The following DOP1A variants were observed in gnomAD, a reference collection of about 807,000 sequenced individuals.
DOP1A encodes the protein DOP1 leucine zipper like protein A, also known as protein DOP1A.
Under a neutral mutation model 267.6 loss-of-function variants are expected in DOP1A, and 90 were observed. The observed-to-expected ratio is 0.34, with a 90% CI of 0.28 to 0.40. The LOEUF (loss-of-function observed/expected upper bound fraction) is 0.40. Ranked by LOEUF, DOP1A falls within the 10% of genes least tolerant of loss-of-function variation. The probability of loss-of-function intolerance (pLI) is 1.00; values close to 1 mark genes in which losing one functional copy is unlikely to be tolerated. For synonymous variants in DOP1A, 932 were observed against 999.1 expected (o/e 0.93, Z 1.27); for missense variants, 2,437 against 2,900.4 (o/e 0.84, Z 3.67).
chr6:83,152,698 A>C (rs1046825163), intron 30 of DOP1A, among the ~76,000 whole-genome samples: 3 of 149,552 alleles, frequency 2.0e-5, no homozygotes, highest in African/African-American at 4.9e-5. Context: ...GCTCACTGCA[A>C]CCTCTGCCTC....
chr6:83,105,939 A>T (rs968543097), intron 4 of DOP1A, among the ~76,000 whole-genome samples: 7 of 152,206 alleles, frequency 4.6e-5, no homozygotes, highest in African/African-American at 1.7e-4. Flanking sequence ...GTAAAATTAA[A>T]TCTAGAATAC....
At chr6:83,078,627 T>A (rs1230817640) in intron 1 of DOP1A, among the ~76,000 whole-genome samples, 13 of 152,194 alleles carry the variant, frequency 8.5e-5, no homozygotes, top group Non-Finnish European at 1.5e-4. Context: ...CAGAAAATAA[T>A]AGCAGTGCTT....
intron 1 of DOP1A, among the ~76,000 whole-genome samples, chr6:83,092,035 A>G (rs960341856): frequency 6.6e-6 from 1 of 152,160 alleles, no homozygotes; most frequent in East Asian, 1.9e-4. Flanking sequence ...TTCATTCCAT[A>G]TATGTCACTG....
In DOP1A at chr6:83,090,533, G is replaced by A. The variant is rs188465059; in HGVS notation, c.-146-6198G>A. 1.1e-3 allele frequency among the ~76,000 whole-genome samples: 173 copies of A among 152,300 alleles called. 3 individuals carry two copies. The highest frequency in any genetic ancestry group is 4.1e-3 in the African/African-American group (169 of 41,564). On this transcript the variant is annotated intron_variant, in intron 1 of 38. Coordinates refer to ENST00000349129, the MANE Select transcript of DOP1A (RefSeq NM_015018.4). ...ACGTTATATTTGCATTATGATCTAA[G>A]TCAGTGGTGTTTAAAGTGTGTTATT...
chr6:83,086,288 C>G (rs1474595562), intron 1 of DOP1A, among the ~76,000 whole-genome samples: 1 of 151,958 alleles, frequency 6.6e-6, no homozygotes, highest in Non-Finnish European at 1.5e-5. Flanking sequence ...ATGAAATAAG[C>G]TAGAGAAAAG....
chr6:83,069,760 A>T (rs576693398), intron 1 of DOP1A, among the ~76,000 whole-genome samples: 2 of 152,200 alleles, frequency 1.3e-5, no homozygotes, highest in East Asian at 3.9e-4. Context: ...TTTGAATTTG[A>T]TGGTGGAGTG....
chr6:83,128,031 G>T (rs1162108072), intron 15 of DOP1A, among the ~76,000 whole-genome samples: 1 of 152,192 alleles, frequency 6.6e-6, no homozygotes, highest in Middle Eastern at 3.4e-3. Flanking sequence ...GGGAGGAGGG[G>T]TGACGAAGGT....
chr6:83,145,566 T>G lies in DOP1A; in HGVS notation c.5584T>G (p.Leu1862Val). ...TGAAGAACAGCTTTTATTAGTGGAA[T>G]TGGTTCGTTCAATCAGTGTCATGAG... is the stretch of plus-strand genomic sequence containing the variant. The part of the protein sequence containing the change: ...ASEEQLLLVE[L>V]VRSISVMRAE... The change falls in exon 25 of 39, where the codon TTG becomes GTG. Residue 1862 changes from leucine to valine, a missense_variant. Coordinates refer to ENST00000349129, the MANE Select transcript of DOP1A (RefSeq NM_015018.4). The G allele has an allele frequency of 6.2e-7, 1 of 1,610,592 alleles. No individual in the cohort carries two copies. Among genetic ancestry groups the G allele is most frequent in the Non-Finnish European group, 8.5e-7 (1 of 1,178,036 alleles).
intron 4 of DOP1A, among the ~76,000 whole-genome samples, chr6:83,102,853 AT>A (rs1772834044): frequency 1.3e-5 from 2 of 152,302 alleles, no homozygotes; most frequent in South Asian, 4.1e-4. Flanking sequence ...TCAACTCTTA[AT>A]AAACTAAAAC....
chr6:83,124,834 G>C lies in DOP1A; in HGVS notation c.1455+15G>C, dbSNP rs760436656. On this transcript the variant is annotated intron_variant, in intron 13 of 38. Transcript: ENST00000349129. ...TAGTTTCTTTGGTAAGACCACCTTG[G>C]TAAGAAAATATCAAGGAAATCGAAT... 2.5e-6 allele frequency: 4 copies of C among 1,575,306 alleles called. No homozygotes were observed. The East Asian group carries it at 9.0e-5, about 35-fold the overall frequency.
At chr6:83,149,383 T>A (rs921865342) in intron 27 of DOP1A, among the ~76,000 whole-genome samples, 17 of 152,200 alleles carry the variant, frequency 1.1e-4, no homozygotes, top group Non-Finnish European at 1.9e-4. Context: ...TCTTGATTCC[T>A]AATAGGTCCC....
intron 15 of DOP1A, among the ~76,000 whole-genome samples, chr6:83,127,084 C>T (rs770800046): frequency 1.5e-4 from 23 of 151,980 alleles, no homozygotes; most frequent in Non-Finnish European, 3.1e-4. Flanking sequence ...ATGCAAAAAC[C>T]CGAAAAGACA....
intron 29 of DOP1A, 81 bp downstream of exon 29, chr6:83,152,108 G>A: frequency 6.6e-7 from 1 of 1,515,122 alleles, no homozygotes; most frequent in Non-Finnish European, 9.0e-7. Flanking sequence ...AGCACTATAA[G>A]TACCACAAAT....
intron 1 of DOP1A, among the ~76,000 whole-genome samples, chr6:83,075,472 A>T (rs1336285092): frequency 6.6e-6 from 1 of 152,240 alleles, no homozygotes; most frequent in Non-Finnish European, 1.5e-5. Context: ...GTCCTGGAAG[A>T]CTTCCCAAAA....
chr6:83,158,460 A>G (rs1583173397), intron 35 of DOP1A, 107 bp from the exon 36 acceptor site: 2 of 864,058 alleles, frequency 2.3e-6, no homozygotes, highest in East Asian at 5.5e-5. Context: ...GATTCTGAAA[A>G]TGTATTCTAA....
chr6:83,073,091 CT>C (rs750533709), intron 1 of DOP1A: 261 of 225,160 alleles, frequency 1.2e-3, no homozygotes, highest in South Asian at 2.8e-3. Context: ...TTTCCTTTTT[CT>C]TTTTTTTTGA....
chr6:83,161,791 T>C (rs1784296859), intron 37 of DOP1A, among the ~76,000 whole-genome samples: 1 of 152,186 alleles, frequency 6.6e-6, no homozygotes, highest in Non-Finnish European at 1.5e-5. Context: ...TTAAAATATA[T>C]ATCTTTAAGC....
At chr6:83,161,321 A>G (rs572984139) in intron 37 of DOP1A, 14 of 152,172 alleles carry the variant, frequency 9.2e-5, no homozygotes, top group Non-Finnish European at 1.8e-4. Context: ...AAAAATCTAT[A>G]AAGTAGAAAG....
At chr6:83,145,870 C>T (rs956939781) in intron 25 of DOP1A, among the ~76,000 whole-genome samples, 2 of 152,224 alleles carry the variant, frequency 1.3e-5, no homozygotes, top group African/African-American at 4.8e-5. Context: ...GAGCAGTTAA[C>T]TGCTCATATC....
Sources: gnomAD v4.1 joint callset for allele counts (sites outside exome capture counted in the v4.1 genomes callset) on GRCh38, gnomAD v4.1.1 for gene constraint, MANE v1.5 for transcripts, NCBI Gene and HGNC (gene_info 2026-07-23, HGNC 2026-07-21) for gene names.